ATP2B1: variants seen among roughly 807,000 people sequenced by gnomAD.
The protein encoded by ATP2B1 is ATPase plasma membrane Ca2+ transporting 1.
ATP2B1 carries 14 observed loss-of-function variants against 124.2 expected under a neutral mutation model. The observed-to-expected ratio is 0.11, with a 90% CI of 0.07 to 0.18. The LOEUF (loss-of-function observed/expected upper bound fraction) is 0.18, where lower values mean the gene tolerates loss of function less well. Ranked by LOEUF, ATP2B1 falls within the 10% of genes least tolerant of loss-of-function variation. ATP2B1 has a pLI of 1.00. For missense variants in ATP2B1, 763 were observed against 1,466.1 expected (o/e 0.52, Z 7.83); for synonymous variants, 449 against 492.4 (o/e 0.91, Z 1.17).
At chr12:89,616,644 G>A (rs1189308989) in intron 12 of ATP2B1, among the ~76,000 whole-genome samples, 158 bp downstream of exon 12, 1 of 151,906 alleles carries the variant, frequency 6.6e-6, no homozygotes, top group Non-Finnish European at 1.5e-5. Context: ...GCTAGCATAT[G>A]CACTGTAGGT....
chr12:89,635,306 T>A lies in ATP2B1; in HGVS notation c.407-55A>T, dbSNP rs916947898. 5.9e-6 allele frequency: 9 copies of A among 1,537,648 alleles called. No homozygotes were observed. In the African/African-American group the frequency reaches 1.1e-4, roughly 19 times the overall value. On this transcript the variant is annotated intron_variant, in intron 3 of 20. Transcript: ENST00000428670. ...AAAAGATTCTGAATTGATGACAACA[T>A]ACATATAGTACGTCTAAATCATATT...
rs755660513 is a variant in ATP2B1 at position 89,657,466 on chromosome 12, C to T, written c.-221-1359G>A. Among the ~76,000 whole-genome samples, 37 of 152,304 alleles carry T rather than the reference C, an allele frequency of 2.4e-4. 1 individual carries two copies. Among genetic ancestry groups the T allele is most frequent in the Non-Finnish European group, 5.3e-4 (36 of 68,022 alleles). ...GTCTGGCTCCATTTTACAGATTTAA[C>T]GTCTTCCCACCTCAAGCAATCTACC... On this transcript the variant is annotated intron_variant, in intron 1 of 20. Coordinates refer to ENST00000428670, the MANE Select transcript of ATP2B1 (RefSeq NM_001366521.1).
At chr12:89,613,776 A>G (rs1878469051) in intron 12 of ATP2B1, among the ~76,000 whole-genome samples, 1 of 152,240 alleles carries the variant, frequency 6.6e-6, no homozygotes, top group African/African-American at 2.4e-5. Flanking sequence ...TTAACTGCCT[A>G]CTAGTCACCA....
chr12:89,615,739 C>A (rs1211465448), intron 12 of ATP2B1, among the ~76,000 whole-genome samples: 2 of 152,130 alleles, frequency 1.3e-5, no homozygotes, highest in African/African-American at 2.4e-5. Flanking sequence ...TTACCTGACC[C>A]CTCCAGTGGT....
At chr12:89,652,585 A>C (rs1484488683) in intron 2 of ATP2B1, among the ~76,000 whole-genome samples, 13 of 152,214 alleles carry the variant, frequency 8.5e-5, no homozygotes, top group Admixed American at 8.5e-4. Flanking sequence ...TTGGACGTAC[A>C]AACTCCTAAT....
intron 2 of ATP2B1, among the ~76,000 whole-genome samples, chr12:89,645,034 A>T (rs1308598166): frequency 6.6e-6 from 1 of 152,224 alleles, no homozygotes; most frequent in Non-Finnish European, 1.5e-5. Flanking sequence ...ACTATCTGGT[A>T]TAGGAAGTAG....
intron 1 of ATP2B1, among the ~76,000 whole-genome samples, chr12:89,659,915 C>CA (rs1234238576): frequency 0.044 from 1,838 of 41,794 alleles, 24 homozygotes; most frequent in African/African-American, 0.096. Context: ...AAGCGAGACT[C>CA]AAAAAAAAAA....
rs1880472209 is a variant in ATP2B1, at chr12:89,624,279, A to C, written c.1248T>G (p.Phe416Leu). 2 of 1,614,222 alleles carry C rather than the reference A, an allele frequency of 1.2e-6. No homozygotes were observed. Among genetic ancestry groups the C allele is most frequent in the Non-Finnish European group, 1.7e-6 (2 of 1,180,028 alleles). The change falls in exon 9 of 21, where the codon TTT becomes TTG. Residue 416 changes from phenylalanine to leucine, a missense_variant. Phe to Leu is a conservative substitution (Grantham distance 22). Coordinates refer to ENST00000428670, the MANE Select transcript of ATP2B1 (RefSeq NM_001366521.1). Reference protein sequence around the residue: ...AECTPIYIQYFVKFFIIGVTV... With the variant: ...AECTPIYIQYLVKFFIIGVTV... ...TAACTCCAATAATGAAGAACTTCACAAAGTATTGTATATAAATTGGTGTGC... is the reference window on the plus strand; with the variant it reads ...TAACTCCAATAATGAAGAACTTCACCAAGTATTGTATATAAATTGGTGTGC...
At chr12:89,699,325 T>A (rs1891542978) in intron 1 of ATP2B1, among the ~76,000 whole-genome samples, 2 of 152,258 alleles carry the variant, frequency 1.3e-5, no homozygotes, top group South Asian at 4.1e-4. Flanking sequence ...GCTAGTAATA[T>A]GCCACTTGTT....
intron 3 of ATP2B1, among the ~76,000 whole-genome samples, chr12:89,640,659 T>C (rs998883741): frequency 2.0e-5 from 3 of 152,202 alleles, no homozygotes; most frequent in Non-Finnish European, 2.9e-5. Context: ...TGAAATATGA[T>C]CCCTAGTGTT....
At chr12:89,683,781 G>T (rs1207638766) in intron 1 of ATP2B1, among the ~76,000 whole-genome samples, 3 of 152,120 alleles carry the variant, frequency 2.0e-5, no homozygotes, top group African/African-American at 7.2e-5. Context: ...CTAGAGAAGG[G>T]AATCTGACAA....
intron 14 of ATP2B1, 106 bp from the exon 15 acceptor site, chr12:89,610,149 T>C (rs1592732722): frequency 1.2e-5 from 12 of 1,025,798 alleles, no homozygotes; most frequent in Admixed American, 2.7e-5. Flanking sequence ...TAAAAATAAA[T>C]AAACAAATAT....
At chr12:89,705,172 A>G (rs934475386) in intron 1 of ATP2B1, among the ~76,000 whole-genome samples, 1 of 152,130 alleles carries the variant, frequency 6.6e-6, no homozygotes, top group Admixed American at 6.5e-5. Flanking sequence ...CTAAAAAGTG[A>G]ATTTTTTAAA....
intron 2 of ATP2B1, 97 bp from the exon 3 acceptor site, chr12:89,642,452 C>T: frequency 1.7e-6 from 2 of 1,158,026 alleles, no homozygotes; most frequent in South Asian, 1.5e-5. Context: ...ACTCTAGACC[C>T]TACCAAAATG....
intron 10 of ATP2B1, 24 bp from the exon 11 acceptor site, chr12:89,620,264 G>C: frequency 6.2e-7 from 1 of 1,608,440 alleles, no homozygotes; most frequent in Non-Finnish European, 8.5e-7. Context: ...ACATTTAGTA[G>C]CTAGTATCTC....
At chr12:89,694,779 A>G (rs1189809390) in intron 1 of ATP2B1, among the ~76,000 whole-genome samples, 1 of 152,174 alleles carries the variant, frequency 6.6e-6, no homozygotes, top group Non-Finnish European at 1.5e-5. Flanking sequence ...AGAACTGGCC[A>G]GGCGCAGTGG....
chr12:89,683,976 T>G (rs1395522775), intron 1 of ATP2B1, among the ~76,000 whole-genome samples: 1 of 152,058 alleles, frequency 6.6e-6, no homozygotes, highest in Non-Finnish European at 1.5e-5. Flanking sequence ...ATATGCAGAA[T>G]GGCCAAATAC....
chr12:89,700,212 CTGA>C (rs1185065012), intron 1 of ATP2B1, among the ~76,000 whole-genome samples: 1 of 152,052 alleles, frequency 6.6e-6, no homozygotes, highest in Non-Finnish European at 1.5e-5. Flanking sequence ...AAGGGGTTGA[CTGA>C]CGAATCCTTG....
intron 1 of ATP2B1, among the ~76,000 whole-genome samples, chr12:89,671,137 C>T (rs1303879234): frequency 6.6e-6 from 1 of 151,908 alleles, no homozygotes; most frequent in Non-Finnish European, 1.5e-5. Flanking sequence ...TAGAGCTCAA[C>T]CTAATAAAAT....
Sources: gnomAD v4.1 joint callset for allele counts (sites outside exome capture counted in the v4.1 genomes callset) on GRCh38, gnomAD v4.1.1 for gene constraint, MANE v1.5 for transcripts, NCBI Gene and HGNC (gene_info 2026-07-23, HGNC 2026-07-21) for gene names.